SPNS2: variants seen among roughly 807,000 people sequenced by gnomAD.
The protein encoded by SPNS2 is SPNS lysolipid transporter 2, sphingosine-1-phosphate.
In SPNS2, 37 loss-of-function variants were observed where a neutral mutation model predicts 57.6. The observed-to-expected ratio is 0.64, with a 90% confidence interval of 0.49 to 0.85. The LOEUF (loss-of-function observed/expected upper bound fraction) is 0.85, where lower values mean the gene tolerates loss of function less well. Ranked by LOEUF, SPNS2 falls within the 40% of genes least tolerant of loss-of-function variation. SPNS2 has a pLI of 0.00. For synonymous variants in SPNS2, 440 were observed against 346.9 expected (o/e 1.27, Z -2.98); for missense variants, 831 against 779.1 (o/e 1.07, Z -0.79).
At chr17:4,502,200 A>G (rs1045262037) in intron 1 of SPNS2, among the ~76,000 whole-genome samples, 1 of 150,816 alleles carries the variant, frequency 6.6e-6, no homozygotes, top group Non-Finnish European at 1.5e-5. Flanking sequence ...ACATGGTGAA[A>G]CCCCCCATCT....
rs1906034432 is a variant in SPNS2, at chr17:4,538,801, T to C, written c.*1353T>C. 4.0e-6 allele frequency: 3 copies of C among 758,710 alleles called. No homozygotes were observed. Among genetic ancestry groups the C allele is most frequent in the Non-Finnish European group, 7.3e-6 (3 of 411,694 alleles). 47.0% of individuals were successfully genotyped at this position (758,710 alleles called of 1,614,324 possible). A position where few individuals can be genotyped will look rare whatever the true frequency, so the allele number is the denominator to read the frequency against. On this transcript the variant is annotated 3_prime_UTR_variant, in exon 13 of 13. Transcript: ENST00000329078. ...GTACCCCGAGGGCCTGACAAGAGGA[T>C]GGGGTGGGGGTGGCATCCTCCAAAG...
chr17:4,524,111 G>A (rs1021543202), intron 2 of SPNS2, among the ~76,000 whole-genome samples: 4 of 152,186 alleles, frequency 2.6e-5, no homozygotes, highest in African/African-American at 4.8e-5. Flanking sequence ...TAGCAGGTGC[G>A]AAATCTGGAG....
At chr17:4,530,378 T>G (rs910395210) in intron 3 of SPNS2, among the ~76,000 whole-genome samples, 4 of 152,144 alleles carry the variant, frequency 2.6e-5, no homozygotes, top group Non-Finnish European at 4.4e-5. Flanking sequence ...CATACCACTC[T>G]CAAGCTGGGA....
intron 8 of SPNS2, 71 bp downstream of exon 8, chr17:4,533,503 T>C: frequency 1.4e-6 from 2 of 1,462,456 alleles, no homozygotes; most frequent in Admixed American, 4.2e-5. Flanking sequence ...GAACAGGACA[T>C]TCGGTCTGAC....
intron 9 of SPNS2, among the ~76,000 whole-genome samples, chr17:4,535,191 C>T (rs969252064): frequency 6.6e-6 from 1 of 152,130 alleles, no homozygotes; most frequent in Non-Finnish European, 1.5e-5. Context: ...TCCTGTCTGA[C>T]TCTGGCCTGC....
At position 4,510,418 on chromosome 17, in the gene SPNS2, A is replaced by G. The variant is rs1237710507; in HGVS notation, c.371-2829A>G. Among the ~76,000 whole-genome samples the G allele has an allele frequency of 1.3e-5, 2 of 152,108 alleles. No homozygotes were observed. Among genetic ancestry groups the G allele is most frequent in the African/African-American group, 2.4e-5 (1 of 41,418 alleles). ...ATGTTCTCCCTCTACCAGGAGCTCT[A>G]TGTGGTAGGAAGTCAGGGGAAGGCT... On this transcript the variant is annotated intron_variant, in intron 1 of 12. Transcript: ENST00000329078. The surrounding 1 kb of genome is among the most constrained non-coding windows in gnomAD (Gnocchi z 4.4).
At chr17:4,506,222 C>T (rs1245375605) in intron 1 of SPNS2, among the ~76,000 whole-genome samples, 1 of 152,208 alleles carries the variant, frequency 6.6e-6, no homozygotes, top group Non-Finnish European at 1.5e-5. Context: ...GAGCAGCAGT[C>T]CCTGGCCGCC....
chr17:4,527,842 T>C (rs185788506), intron 3 of SPNS2, among the ~76,000 whole-genome samples: 52 of 151,980 alleles, frequency 3.4e-4, no homozygotes, highest in African/African-American at 1.3e-3. Context: ...GGCAGGATAT[T>C]GTAAAACTCT....
At chr17:4,507,393 G>A (rs1904711401) in intron 1 of SPNS2, among the ~76,000 whole-genome samples, 1 of 152,252 alleles carries the variant, frequency 6.6e-6, no homozygotes, top group African/African-American at 2.4e-5. Flanking sequence ...AGCTGGGGCT[G>A]TGTCCTGTCC....
intron 2 of SPNS2, among the ~76,000 whole-genome samples, chr17:4,515,410 C>T (rs572014657): frequency 1.2e-3 from 179 of 152,300 alleles, no homozygotes; most frequent in Non-Finnish European, 1.5e-3. Context: ...CCTCTGCTGC[C>T]CATAGGCTGG....
chr17:4,536,369 T>C lies in SPNS2; in HGVS notation c.1550T>C (p.Met517Thr), dbSNP rs1411071981. The C allele has an allele frequency of 1.2e-6, 2 of 1,609,588 alleles. No individual in the cohort carries two copies. The highest frequency in any genetic ancestry group is 2.2e-5 in the East Asian group (1 of 44,856). ...LCPFVVVLGG[M>T]FFLATALFFV... The stretch of plus-strand genomic sequence containing the variant: ...CCTTTCGTCGTGGTCCTGGGCGGCA[T>C]GTTCTTCCTCGCCACTGCGCTCTTC... Residue 517 changes from methionine (M) to threonine (T), a missense_variant, in exon 11 of 13, where the codon ATG becomes ACG. Around this residue, in one of 2 missense-constraint regions of SPNS2, gnomAD observed 526 missense variants for 400.9 expected, o/e 1.31. Transcript: ENST00000329078.
chr17:4,498,917 C>A lies in SPNS2; in HGVS notation c.-131C>A. 2.5e-6 allele frequency: 1 copy of A among 407,458 alleles called. No individual in the cohort carries two copies. Among genetic ancestry groups the A allele is most frequent in the African/African-American group, 2.2e-5 (1 of 45,756 alleles). The allele number at this position is 407,458 out of a possible 1,614,324, so 25.2% of individuals were successfully genotyped here. A position where few individuals can be genotyped will look rare whatever the true frequency, so the allele number is the denominator to read the frequency against. On this transcript the variant is annotated 5_prime_UTR_variant, in exon 1 of 13. Transcript: ENST00000329078. ...AGCGGTGGCAGCGCCGCAGCCGGGGCCGGAGCGCAGGAGCCGACGGGGCCC... is the reference window on the plus strand; with the variant it reads ...AGCGGTGGCAGCGCCGCAGCCGGGGACGGAGCGCAGGAGCCGACGGGGCCC...
chr17:4,499,693 G>C lies in SPNS2; in HGVS notation c.370+276G>C, dbSNP rs1188266289. On this transcript the variant is annotated intron_variant, in intron 1 of 12. Coordinates refer to ENST00000329078, the MANE Select transcript of SPNS2 (RefSeq NM_001124758.3). The surrounding 1 kb of genome is among the most constrained non-coding windows in gnomAD (Gnocchi z 5.2). ...CCGCGCGTCCTCTCCAGCCCTTGAC[G>C]GCCCATCCGTTGTCCTCCTCTCCAA... The C allele has an allele frequency of 3.1e-6, 1 of 318,556 alleles. No individual in the cohort carries two copies. Among genetic ancestry groups the C allele is most frequent in the African/African-American group, 2.1e-5 (1 of 46,652 alleles). The allele number at this position is 318,556 out of a possible 1,614,324, so 19.7% of individuals were successfully genotyped here.
At chr17:4,513,748 A>G (rs915627955) in intron 2 of SPNS2, among the ~76,000 whole-genome samples, 4 of 152,004 alleles carry the variant, frequency 2.6e-5, no homozygotes, top group Non-Finnish European at 4.4e-5. Flanking sequence ...AATATCATCA[A>G]CCCTGGGAAT....
chr17:4,499,078 G>A lies in SPNS2; in HGVS notation c.31G>A (p.Ala11Thr). ...GTGCCTGGAATGCGCCTCGGCGGCG[G>A]CGGGCGGCGCGGAGGAGGAGGAGGC... MMCLECASAA[A>T]GGAEEEEADA... is the part of the protein sequence containing the mutation. The change falls in exon 1 of 13, where the codon GCG (alanine) becomes ACG (threonine). Residue 11 changes from alanine (A) to threonine (T), a missense_variant. Physicochemically the swap from Ala to Thr is moderately conservative, Grantham distance 58 (BLOSUM62 0). Coordinates refer to ENST00000329078, the MANE Select transcript of SPNS2 (RefSeq NM_001124758.3). This position sits in a 1 kb window ranked among gnomAD's most constrained non-coding sequence, Gnocchi z 5.2. 1 of 1,033,364 alleles carries A rather than the reference G, an allele frequency of 9.7e-7. No individual in the cohort carries two copies. The highest frequency in any genetic ancestry group is 1.2e-6 in the Non-Finnish European group (1 of 863,440). 64.0% of individuals were successfully genotyped at this position (1,033,364 alleles called of 1,614,324 possible).
chr17:4,517,860 C>T (rs1905035233), intron 2 of SPNS2, among the ~76,000 whole-genome samples: 1 of 152,024 alleles, frequency 6.6e-6, no homozygotes, highest in South Asian at 2.1e-4. Context: ...GTTTAAAAGA[C>T]TAATATTCGA....
chr17:4,535,707 A>G (rs949030972), intron 9 of SPNS2, among the ~76,000 whole-genome samples: 4 of 151,988 alleles, frequency 2.6e-5, no homozygotes, highest in African/African-American at 9.7e-5. Flanking sequence ...TGAAGATTCC[A>G]ATTTCAGAGG....
intron 8 of SPNS2, 76 bp from the exon 9 acceptor site, chr17:4,533,712 A>C (rs1243287638): frequency 6.6e-7 from 1 of 1,518,622 alleles, no homozygotes. Context: ...GCCAGCAGCC[A>C]GTGTGTAGGG....
intron 2 of SPNS2, among the ~76,000 whole-genome samples, chr17:4,514,283 C>G (rs376023582): frequency 6.6e-6 from 1 of 152,232 alleles, no homozygotes; most frequent in Non-Finnish European, 1.5e-5. Context: ...TGGCTGTGAG[C>G]CCCCGTCAGA....
Sources: allele counts gnomAD v4.1 joint callset (sites outside exome capture counted in the v4.1 genomes callset), GRCh38; gene constraint gnomAD v4.1.1; regional missense constraint gnomAD v4.1.1; non-coding constraint Gnocchi (gnomAD v3.1); transcripts MANE v1.5; gene names NCBI Gene and HGNC (gene_info 2026-07-23, HGNC 2026-07-21).